PVT1: variants seen among roughly 807,000 people sequenced by gnomAD.
PVT1 encodes the protein Pvt1 oncogene, also known as CXCR4/PVT1 fusion.
At chr8:127,980,648 C>T (rs1300423403) in intron 3 of PVT1, among the ~76,000 whole-genome samples, 1 of 152,180 alleles carries the variant, frequency 6.6e-6, no homozygotes, top group Non-Finnish European at 1.5e-5. Flanking sequence ...TCCCAGGAGC[C>T]TGGAACTTCC....
intron 3 of PVT1, among the ~76,000 whole-genome samples, chr8:127,921,219 G>C (rs1816052837): frequency 6.6e-6 from 1 of 152,140 alleles, no homozygotes; most frequent in African/African-American, 2.4e-5. Flanking sequence ...CGAGCGCTGA[G>C]TAGTGCTGAG....
At chr8:128,006,208 G>A (rs1817246292) in intron 4 of PVT1, among the ~76,000 whole-genome samples, 1 of 151,246 alleles carries the variant, frequency 6.6e-6, no homozygotes, top group East Asian at 1.9e-4. Context: ...GCACCCTTTG[G>A]CCCAGCAATC....
At chr8:128,056,612 A>G (rs1813765540) in intron 4 of PVT1, among the ~76,000 whole-genome samples, 1 of 151,910 alleles carries the variant, frequency 6.6e-6, no homozygotes, top group South Asian at 2.1e-4. Flanking sequence ...TTGAACTGGG[A>G]CCTCCCGAGG....
chr8:127,928,563 C>T (rs887347151), intron 3 of PVT1, among the ~76,000 whole-genome samples: 14 of 152,206 alleles, frequency 9.2e-5, no homozygotes, highest in South Asian at 2.1e-4. Context: ...GACCTAAGCT[C>T]GATTCCGAGA....
Position 127,966,114 on chromosome 8 carries a change from A to G in PVT1, n.783-23048A>G, listed in dbSNP as rs959898646. On this transcript the variant is annotated intron_variant and non_coding_transcript_variant, in intron 3 of 10. Coordinates refer to ENST00000651587, the Ensembl canonical transcript of PVT1. ...AGTCCCTATAAATGCTGGTGGATCA[A>G]TGTAGCTGATGGTTTCATAACAAAA... 5.3e-5 allele frequency among the ~76,000 whole-genome samples: 8 copies of G among 152,346 alleles called. No homozygotes were observed. In the Middle Eastern group the frequency reaches 0.01, roughly 194 times the overall value.
chr8:128,065,190 T>A (rs2608050), intron 4 of PVT1, among the ~76,000 whole-genome samples: 18,212 of 115,890 alleles, frequency 0.16, 1,281 homozygotes, highest in East Asian at 0.37. Context: ...TCTCTTCTTT[T>A]TTATTTTTTA....
intron 3 of PVT1, among the ~76,000 whole-genome samples, chr8:127,959,821 G>A (rs74365099): frequency 3.3e-5 from 5 of 152,104 alleles, no homozygotes; most frequent in Non-Finnish European, 5.9e-5. Context: ...CCCGTCAGGA[G>A]CCCCTGGGTG....
In PVT1 at chr8:128,092,567, C is replaced by A. The variant is rs1236659484; in HGVS notation, n.1115-3951C>A. Among the ~76,000 whole-genome samples, 3 of 152,232 alleles carry A rather than the reference C, an allele frequency of 2.0e-5. No individual in the cohort carries two copies. The East Asian group carries it at 5.8e-4, about 29-fold the overall frequency. On this transcript the variant is annotated intron_variant and non_coding_transcript_variant, in intron 5 of 10. Coordinates refer to ENST00000651587, the Ensembl canonical transcript of PVT1. Reference sequence around the variant, plus strand: ...GCGTTCCGGAACCGGTAGGGGCTGCCTGTCCTGCCACTCACCCACTCCAGC... The same window carrying A: ...GCGTTCCGGAACCGGTAGGGGCTGCATGTCCTGCCACTCACCCACTCCAGC...
intron 2 of PVT1, among the ~76,000 whole-genome samples, chr8:127,878,307 C>T (rs1815428642): frequency 6.6e-6 from 1 of 152,130 alleles, no homozygotes; most frequent in Non-Finnish European, 1.5e-5. Context: ...TGGAGGTGAG[C>T]CTGATTAAAT....
At chr8:128,014,345 T>C (rs1452692184) in intron 4 of PVT1, among the ~76,000 whole-genome samples, 1 of 152,218 alleles carries the variant, frequency 6.6e-6, no homozygotes, top group South Asian at 2.1e-4. Context: ...AATCCTGTGA[T>C]GGGTGCTGAA....
chr8:127,843,699 C>A (rs557984836), intron 2 of PVT1, among the ~76,000 whole-genome samples: 3 of 151,846 alleles, frequency 2.0e-5, no homozygotes, highest in African/African-American at 7.2e-5. Context: ...CCCTCTCCGG[C>A]CTCCCAAAGT....
chr8:127,975,362 C>G (rs1816812521), intron 3 of PVT1, among the ~76,000 whole-genome samples: 1 of 152,170 alleles, frequency 6.6e-6, no homozygotes, highest in African/African-American at 2.4e-5. Flanking sequence ...GCAGAATGAT[C>G]TCTTGTTAGA....
At chr8:127,819,520 C>T (rs764518762) in intron 2 of PVT1, among the ~76,000 whole-genome samples, 5 of 152,168 alleles carry the variant, frequency 3.3e-5, no homozygotes, top group Non-Finnish European at 7.3e-5. Context: ...TAGCAGGGCA[C>T]GCTGGGATTT....
intron 2 of PVT1, among the ~76,000 whole-genome samples, chr8:127,825,754 CCTT>C (rs1050989458): frequency 7.2e-5 from 11 of 152,172 alleles, no homozygotes; most frequent in African/African-American, 2.7e-4. Context: ...TCAGTACATA[CCTT>C]CTTCATATGG....
At chr8:127,813,021 A>G (rs1814616245) in intron 2 of PVT1, among the ~76,000 whole-genome samples, 1 of 151,820 alleles carries the variant, frequency 6.6e-6, no homozygotes, top group Non-Finnish European at 1.5e-5. Flanking sequence ...ATCTGGAGTA[A>G]TGTTATCTAG....
chr8:127,838,750 A>G (rs1171362221), intron 2 of PVT1, among the ~76,000 whole-genome samples: 7 of 152,186 alleles, frequency 4.6e-5, no homozygotes, highest in Admixed American at 1.3e-4. Flanking sequence ...ATTGTTTACT[A>G]CTATGTGCCA....
At position 128,006,643 on chromosome 8, in the gene PVT1, A is replaced by G. The variant is rs531037955; in HGVS notation, n.912+17352A>G. The stretch of plus-strand genomic sequence containing the variant: ...GTTATTACTACAGTGTGTGCCAAAC[A>G]GTGATTTTCTACTTCCATCATTACT... On this transcript the variant is annotated intron_variant and non_coding_transcript_variant, in intron 4 of 10. Coordinates refer to ENST00000651587, the Ensembl canonical transcript of PVT1. 1.2e-3 allele frequency among the ~76,000 whole-genome samples: 184 copies of G among 152,334 alleles called. 1 individual carries two copies. The highest frequency in any genetic ancestry group is 3.4e-3 in the Middle Eastern group (1 of 294).
intron 4 of PVT1, among the ~76,000 whole-genome samples, chr8:128,027,589 G>A (rs929868196): frequency 2.6e-5 from 4 of 152,182 alleles, no homozygotes; most frequent in Admixed American, 6.5e-5. Flanking sequence ...CCCAGGCATC[G>A]TGTCTATGCT....
chr8:128,027,404 C>T (rs192193518), intron 4 of PVT1, among the ~76,000 whole-genome samples: 2 of 152,286 alleles, frequency 1.3e-5, no homozygotes, highest in Admixed American at 1.3e-4. Context: ...CAGAAGGGAA[C>T]TTGGGTGGGG....
Sources: allele counts gnomAD v4.1 joint callset (sites outside exome capture counted in the v4.1 genomes callset), GRCh38; gene constraint gnomAD v4.1.1; transcripts MANE v1.5; gene names NCBI Gene and HGNC (gene_info 2026-07-23, HGNC 2026-07-21).